CCBE1: variants seen among roughly 807,000 people sequenced by gnomAD.
CCBE1 encodes the protein collagen and calcium binding EGF domains 1, also known as collagen and calcium-binding EGF domain-containing protein 1.
In CCBE1, 37 loss-of-function variants were observed where a neutral mutation model predicts 50.0. The ratio of observed to expected loss-of-function variants is 0.74; its 90% CI spans 0.57 to 0.97. The LOEUF is 0.97. Ranked by LOEUF, CCBE1 falls within the 50% of genes least tolerant of loss-of-function variation. CCBE1 has a pLI of 0.00. For missense variants in CCBE1, 538 were observed against 523.8 expected (o/e 1.03, Z -0.26); for synonymous variants, 234 against 203.7 (o/e 1.15, Z -1.27).
chr18:59,441,525 G>A lies in CCBE1; in HGVS notation c.776-1709C>T, dbSNP rs147785179. Among the ~76,000 whole-genome samples, 657 of 151,654 alleles carry A rather than the reference G, an allele frequency of 4.3e-3. 5 individuals carry two copies. Among genetic ancestry groups the A allele is most frequent in the African/African-American group, 0.015 (618 of 41,382 alleles). On this transcript the variant is annotated intron_variant, in intron 7 of 10. Coordinates refer to ENST00000439986, the MANE Select transcript of CCBE1 (RefSeq NM_133459.4). ...TCAAAACAAAAAAACACATTGTCAA[G>A]TAATAGAACAATCAGCAGGACAAGC...
At chr18:59,644,757 C>T (rs114974825) in intron 2 of CCBE1, among the ~76,000 whole-genome samples, 2,338 of 152,252 alleles carry the variant, frequency 0.015, 37 homozygotes, top group Middle Eastern at 0.054. Flanking sequence ...TTTGGGGGAA[C>T]AGGTGGACAG....
At chr18:59,472,901 G>A (rs769156230) in intron 3 of CCBE1, among the ~76,000 whole-genome samples, 1 of 152,232 alleles carries the variant, frequency 6.6e-6, no homozygotes, top group African/African-American at 2.4e-5. Context: ...TGGCAGACAA[G>A]AGAGAGCTTG....
intron 2 of CCBE1, among the ~76,000 whole-genome samples, chr18:59,644,516 A>AT (rs1189850854): frequency 3.3e-5 from 5 of 152,060 alleles, no homozygotes; most frequent in African/African-American, 1.2e-4. Context: ...CAAAATGACA[A>AT]TTTTTTCCAG....
chr18:59,522,817 G>A (rs1039768978), intron 2 of CCBE1, among the ~76,000 whole-genome samples: 3 of 151,760 alleles, frequency 2.0e-5, no homozygotes, highest in African/African-American at 4.8e-5. Context: ...GTGAAACCTC[G>A]TCTCTACTAA....
chr18:59,557,752 C>A (rs909285597), intron 2 of CCBE1, among the ~76,000 whole-genome samples: 3 of 152,174 alleles, frequency 2.0e-5, no homozygotes, highest in Non-Finnish European at 2.9e-5. Flanking sequence ...CTTGCTTGAG[C>A]CTGCTCCCAC....
chr18:59,547,352 G>A (rs1915746886), intron 2 of CCBE1, among the ~76,000 whole-genome samples: 1 of 152,108 alleles, frequency 6.6e-6, no homozygotes, highest in East Asian at 1.9e-4. Context: ...TAGAGCTCCT[G>A]GCAGAAATTA....
intron 2 of CCBE1, among the ~76,000 whole-genome samples, chr18:59,485,107 G>A (rs544031944): frequency 6.6e-4 from 100 of 152,316 alleles, no homozygotes; most frequent in African/African-American, 2.3e-3. Context: ...CCCTTCACGT[G>A]TTGTAGCTTG....
chr18:59,610,224 G>T (rs939585206), intron 2 of CCBE1, among the ~76,000 whole-genome samples: 1 of 152,176 alleles, frequency 6.6e-6, no homozygotes, highest in African/African-American at 2.4e-5. Context: ...GACCAAGCAG[G>T]TGCATTAGCT....
chr18:59,586,872 A>G (rs2053185903), intron 2 of CCBE1, among the ~76,000 whole-genome samples: 1 of 152,244 alleles, frequency 6.6e-6, no homozygotes, highest in Admixed American at 6.5e-5. Flanking sequence ...GCAACCTGAT[A>G]AAGCATTCTG....
chr18:59,597,740 T>C (rs1232881338), intron 2 of CCBE1, among the ~76,000 whole-genome samples: 3 of 152,194 alleles, frequency 2.0e-5, no homozygotes, highest in South Asian at 4.2e-4. Context: ...ACCTCTGTGT[T>C]GGCTTCATTC....
intron 2 of CCBE1, among the ~76,000 whole-genome samples, chr18:59,490,664 C>T (rs938977815): frequency 3.3e-5 from 5 of 152,138 alleles, no homozygotes; most frequent in African/African-American, 1.2e-4. Flanking sequence ...TAAACAAAGT[C>T]GTTGTTGTGA....
At chr18:59,546,314 C>G (rs1230513821) in intron 2 of CCBE1, among the ~76,000 whole-genome samples, 1 of 152,226 alleles carries the variant, frequency 6.6e-6, no homozygotes, top group East Asian at 1.9e-4. Context: ...ACGGGGGCTT[C>G]CCATGAATCA....
intron 2 of CCBE1, among the ~76,000 whole-genome samples, chr18:59,545,088 T>C (rs770564903): frequency 6.6e-6 from 1 of 152,122 alleles, no homozygotes. Context: ...TTTTCCAGAA[T>C]AGAAAATAAG....
At chr18:59,695,815 G>C (rs1002657592) in intron 2 of CCBE1, among the ~76,000 whole-genome samples, 1 of 152,210 alleles carries the variant, frequency 6.6e-6, no homozygotes, top group South Asian at 2.1e-4. Context: ...ACATTACCTT[G>C]TACAGCGCCT....
At chr18:59,568,173 T>G (rs1209416778) in intron 2 of CCBE1, 1 of 148,762 alleles carries the variant, frequency 6.7e-6, no homozygotes, top group African/African-American at 2.5e-5. Context: ...AGAGGCCTAT[T>G]TTTTTTTTTT....
At chr18:59,446,632 G>T (rs1910683458) in intron 7 of CCBE1, among the ~76,000 whole-genome samples, 1 of 152,202 alleles carries the variant, frequency 6.6e-6, no homozygotes, top group Non-Finnish European at 1.5e-5. Flanking sequence ...CTGAGCTTTT[G>T]TTCTTGCTGA....
At position 59,518,358 on chromosome 18, in the gene CCBE1, G is replaced by A. The variant is rs541600846; in HGVS notation, c.213-38120C>T. 9.2e-5 allele frequency among the ~76,000 whole-genome samples: 14 copies of A among 152,236 alleles called. No individual in the cohort carries two copies. In the East Asian group the frequency reaches 1.7e-3, roughly 19 times the overall value. Reference sequence around the variant, plus strand: ...ACAAAAATTAGCCGGGTGTGACGACGCACGTGCCTGTAATTCTAGCTACTT... The same window carrying A: ...ACAAAAATTAGCCGGGTGTGACGACACACGTGCCTGTAATTCTAGCTACTT... On this transcript the variant is annotated intron_variant, in intron 2 of 10. Coordinates refer to ENST00000439986, the MANE Select transcript of CCBE1 (RefSeq NM_133459.4).
chr18:59,624,567 A>G (rs948959635), intron 2 of CCBE1, among the ~76,000 whole-genome samples: 5 of 152,232 alleles, frequency 3.3e-5, no homozygotes, highest in South Asian at 4.1e-4. Flanking sequence ...TGAAGGCCCA[A>G]TGGAGTTTTT....
chr18:59,473,020 C>G (rs1020341579), intron 3 of CCBE1, among the ~76,000 whole-genome samples: 2 of 152,170 alleles, frequency 1.3e-5, no homozygotes, highest in Non-Finnish European at 2.9e-5. Context: ...CCTGGCCCTG[C>G]CCTTGACACG....
Sources: gnomAD v4.1 joint callset for allele counts (sites outside exome capture counted in the v4.1 genomes callset) on GRCh38, gnomAD v4.1.1 for gene constraint, MANE v1.5 for transcripts, NCBI Gene and HGNC (gene_info 2026-07-23, HGNC 2026-07-21) for gene names.